GBP1: variants seen among roughly 807,000 people sequenced by gnomAD.
The protein encoded by GBP1 is guanylate binding protein 1.
Under a neutral mutation model 69.5 loss-of-function variants are expected in GBP1, and 64 were observed. That is an observed-to-expected ratio of 0.92 (90% confidence interval 0.75 to 1.13). The LOEUF (loss-of-function observed/expected upper bound fraction) is 1.13, where lower values mean the gene tolerates loss of function less well. Among genes scored for constraint, GBP1 ranks in the 50% most tolerant of loss-of-function variants. GBP1 has a pLI of 0.00. For missense variants in GBP1, 630 were observed against 704.1 expected, an observed-to-expected ratio of 0.89 and a Z score of 1.19; for synonymous variants, 250 against 261.2, an observed-to-expected ratio of 0.96 and a Z score of 0.41.
At chr1:89,056,558 G>C (rs185298931) in intron 7 of GBP1, among the ~76,000 whole-genome samples, 28 of 152,358 alleles carry the variant, frequency 1.8e-4, no homozygotes, top group Admixed American at 1.8e-3. Flanking sequence ...TTTTCTTTGT[G>C]TTTGGCTAGA....
At chr1:89,058,286 A>G in intron 5 of GBP1, 52 bp from the exon 6 acceptor site, 1 of 1,445,556 alleles carries the variant, frequency 6.9e-7, no homozygotes, top group Admixed American at 2.2e-5. Flanking sequence ...GTGTTTCTGT[A>G]AAGGGCCAAA....
At chr1:89,063,950 T>C (rs1375273428) in intron 1 of GBP1, among the ~76,000 whole-genome samples, 1 of 152,176 alleles carries the variant, frequency 6.6e-6, no homozygotes, top group Non-Finnish European at 1.5e-5. Context: ...CACGATAAGA[T>C]AGCTTCTAAG....
Position 89,058,917 on chromosome 1 carries a change from G to T in GBP1, c.555C>A (p.Phe185Leu). The change falls in exon 5 of 11, where the codon TTC becomes TTA. Residue 185 changes from phenylalanine (F) to leucine (L), a missense_variant. Phe to Leu is a conservative substitution (Grantham distance 22). Around this residue, in one of 5 missense-constraint regions of GBP1, gnomAD observed 367 missense variants for 369.5 expected, o/e 0.99. Transcript: ENST00000370473. ...GTCCATCTGCTTCCAAGTCCAGGGA[G>T]AAATCTCTCAGTGTCCACACAAAGT... is the stretch of plus-strand genomic sequence containing the variant. Reference protein sequence around the residue: ...FPDFVWTLRDFSLDLEADGQP... With the variant: ...FPDFVWTLRDLSLDLEADGQP... The T allele has an allele frequency of 1.2e-6, 2 of 1,614,200 alleles. No individual in the cohort carries two copies. Among genetic ancestry groups the T allele is most frequent in the Non-Finnish European group, 1.7e-6 (2 of 1,180,038 alleles).
In GBP1 at chr1:89,054,729, C is replaced by T; in HGVS notation, c.1618G>A (p.Val540Ile). 6.2e-7 allele frequency: 1 copy of T among 1,614,208 alleles called. No individual in the cohort carries two copies. Among genetic ancestry groups the T allele is most frequent in the South Asian group, 1.1e-5 (1 of 91,080 alleles). ...QLTEKMENDR[V>I]QLLKEQERTL... ...CTCTCTTGCTCTTTCAGCAACTGGA[C>T]CCTGTCGTTCTCCATCTTCTCAGTC... Residue 540 changes from valine (V) to isoleucine (I), a missense_variant, in exon 10 of 11, where the codon GTC becomes ATC. Transcript: ENST00000370473.
Position 89,052,889 on chromosome 1 carries a change from C to A in GBP1, c.*466G>T, listed in dbSNP as rs541553009. ...ATCATCAGTGAGGATTATACATGGG[C>A]AATGTCCAGAAATCACATTATTGCT... is the stretch of plus-strand genomic sequence containing the variant. On this transcript the variant is annotated 3_prime_UTR_variant, in exon 11 of 11. Coordinates refer to ENST00000370473, the MANE Select transcript of GBP1 (RefSeq NM_002053.3). 6.5e-6 allele frequency: 1 copy of A among 152,892 alleles called. No individual in the cohort carries two copies. Among genetic ancestry groups the A allele is most frequent in the Non-Finnish European group, 1.5e-5 (1 of 68,494 alleles). The allele number at this position is 152,892 out of a possible 1,614,324, so 9.5% of individuals were successfully genotyped here.
rs1680038462 is a variant in GBP1, at chr1:89,056,155, A to G, written c.1229T>C (p.Leu410Ser). 1 of 1,613,886 alleles carries G rather than the reference A, an allele frequency of 6.2e-7. No individual in the cohort carries two copies. The highest frequency in any genetic ancestry group is 1.3e-5 in the African/African-American group (1 of 74,930). The change falls in exon 8 of 11, where the codon TTA becomes TCA. Residue 410 changes from leucine (L) to serine (S), a missense_variant. Physicochemically the swap from Leu to Ser is moderately radical, Grantham distance 145. Transcript: ENST00000370473. The part of the protein sequence containing the change: ...QEASSDRCSA[L>S]LQVIFSPLEE... ...TAGAGGACTGAAAATGACCTGAAGT[A>G]AAGCTGAGCAACGATCTGATGATGC...
chr1:89,058,024 G>A lies in GBP1; in HGVS notation c.842C>T (p.Thr281Ile), dbSNP rs1388861239. Residue 281 changes from threonine to isoleucine, a missense_variant, in exon 6 of 11, where the codon ACT becomes ATT. By Grantham distance (89) the Thr-to-Ile change is moderately conservative. Coordinates refer to ENST00000370473, the MANE Select transcript of GBP1 (RefSeq NM_002053.3). ...SYIFSNSKTK[T>I]LSGGIQVNGP... is the part of the protein sequence containing the mutation. The stretch of plus-strand genomic sequence containing the variant: ...GTTGACCTGGATGCCTCCTGAAAGA[G>A]TTTTAGTTTTGGAATTACTAAAGAT... 2 of 1,613,756 alleles carry A rather than the reference G, an allele frequency of 1.2e-6. No individual in the cohort carries two copies. Among genetic ancestry groups the A allele is most frequent in the East Asian group, 2.2e-5 (1 of 44,884 alleles).
chr1:89,060,216 C>T lies in GBP1; in HGVS notation c.299G>A (p.Gly100Asp), dbSNP rs752796598. 2 of 1,601,708 alleles carry T rather than the reference C, an allele frequency of 1.2e-6. No individual in the cohort carries two copies. Among genetic ancestry groups the T allele is most frequent in the South Asian group, 1.1e-5 (1 of 88,828 alleles). The stretch of plus-strand genomic sequence containing the variant: ...TCTCACCTTCTCTACATCTCCCAGA[C>T]CCTCGGTGTCCAGCAGAACTAGGAT... ...GHILVLLDTEGLGDVEKGDNQ... is the reference protein window; with the variant it reads ...GHILVLLDTEDLGDVEKGDNQ... Residue 100 changes from glycine (G) to aspartate (D), a missense_variant, in exon 3 of 11, where the codon GGT becomes GAT. Gly to Asp is a moderately conservative substitution (Grantham distance 94). Around this residue, in one of 5 missense-constraint regions of GBP1, gnomAD observed 131 missense variants for 138.5 expected, o/e 0.95. Transcript: ENST00000370473.
At chr1:89,062,198 C>T (rs1369987615) in intron 2 of GBP1, among the ~76,000 whole-genome samples, 4 of 152,154 alleles carry the variant, frequency 2.6e-5, no homozygotes, top group African/African-American at 9.7e-5. Context: ...GGGACTTGAA[C>T]AGATATTCAG....
At position 89,058,063 on chromosome 1, in the gene GBP1, TCTGC is replaced by T; in HGVS notation, c.799_802del (p.Ala267ThrfsTer26). On this transcript the variant is annotated frameshift_variant, in exon 6 of 11. Transcript: ENST00000370473. LOFTEE classifies it high-confidence loss of function. ...ATTACTAAAGATGTAGGAACAGAAG[TCTGC>T]TACTTGTTGCACAAATTCGGGGTCC... 1 of 1,614,182 alleles carries T rather than the reference TCTGC, an allele frequency of 6.2e-7. No homozygotes were observed. Among genetic ancestry groups the T allele is most frequent in the Non-Finnish European group, 8.5e-7 (1 of 1,180,034 alleles).
rs1680091378 is a variant in GBP1, at chr1:89,058,090, T to C, written c.776A>G (p.Asp259Gly). Residue 259 changes from aspartate to glycine, a missense_variant, in exon 6 of 11, where the codon GAC (aspartate) becomes GGC (glycine). By Grantham distance (94) the Asp-to-Gly change is moderately conservative. Around this residue, in one of 5 missense-constraint regions of GBP1, gnomAD observed 367 missense variants for 369.5 expected, o/e 0.99. Coordinates refer to ENST00000370473, the MANE Select transcript of GBP1 (RefSeq NM_002053.3). Reference protein sequence around the residue: ...QLEKLQDEELDPEFVQQVADF... With the variant: ...QLEKLQDEELGPEFVQQVADF... ...TGCTACTTGTTGCACAAATTCGGGG[T>C]CCAGCTCTTCATCTTGTAGTTTCTC... is the stretch of plus-strand genomic sequence containing the variant. The C allele has an allele frequency of 6.2e-7, 1 of 1,614,202 alleles. No homozygotes were observed. The highest frequency in any genetic ancestry group is 8.5e-7 in the Non-Finnish European group (1 of 1,180,030).
At position 89,054,885 on chromosome 1, in the gene GBP1, A is replaced by C. The variant is rs752150450; in HGVS notation, c.1472-10T>G. 6.2e-7 allele frequency: 1 copy of C among 1,609,708 alleles called. No individual in the cohort carries two copies. The highest frequency in any genetic ancestry group is 1.1e-5 in the South Asian group (1 of 90,456). ...GCTTTCACACGTTCCACTGAGGAGG[A>C]AAAGGCAGAAGAAAAATTTGTGTGG... is the stretch of plus-strand genomic sequence containing the variant. On this transcript the variant is annotated splice_polypyrimidine_tract_variant and intron_variant, in intron 9 of 10. Transcript: ENST00000370473.
At chr1:89,055,780 C>G (rs1680027248) in intron 8 of GBP1, 1 of 588,988 alleles carries the variant, frequency 1.7e-6, no homozygotes, top group Admixed American at 3.0e-5. Context: ...ACAATAATAA[C>G]TTTGTGCTTC....
At chr1:89,064,240 T>TGAGAGAGAGAGAGA (rs34743787) in intron 1 of GBP1, among the ~76,000 whole-genome samples, 4 of 100,008 alleles carry the variant, frequency 4.0e-5, no homozygotes, top group African/African-American at 1.7e-4. Context: ...TGTGTGTGTG[T>TGAGAGAGAGAGAGA]GAGAGAGAGA....
Position 89,056,835 on chromosome 1 carries a change from C to A in GBP1, c.1155+19G>T, listed in dbSNP as rs1340148053. On this transcript the variant is annotated intron_variant, in intron 7 of 10. Transcript: ENST00000370473. The stretch of plus-strand genomic sequence containing the variant: ...AGCTTCTATGACCCTAAACCGTATA[C>A]ATTTGAGACAAAAATTACCGCTAAC... The A allele has an allele frequency of 8.7e-6, 14 of 1,612,184 alleles. No individual in the cohort carries two copies. The African/African-American group carries it at 1.6e-4, about 18-fold the overall frequency.
At chr1:89,057,962 A>G in intron 6 of GBP1, 30 bp downstream of exon 6, 2 of 1,590,170 alleles carry the variant, frequency 1.3e-6, no homozygotes, top group Non-Finnish European at 1.7e-6. Flanking sequence ...GTCTTAAACA[A>G]TGAGCAGAAG....
chr1:89,058,422 C>A (rs1487365555), intron 5 of GBP1, 188 bp from the exon 6 acceptor site: 9 of 579,228 alleles, frequency 1.6e-5, no homozygotes, highest in East Asian at 1.5e-4. Flanking sequence ...TCCAAAAAAA[C>A]CTTATTTACA....
chr1:89,063,220 G>C lies in GBP1; in HGVS notation c.15C>G (p.Ile5Met). The C allele has an allele frequency of 1.2e-6, 2 of 1,614,000 alleles. No homozygotes were observed. The highest frequency in any genetic ancestry group is 8.5e-7 in the Non-Finnish European group (1 of 1,179,908). MASE[I>M]HMTGPMCLIE... ...TGAGGCACATTGGGCCTGTCATGTG[G>C]ATCTCTGATGCCATGTCCAGGCTGT... Residue 5 changes from isoleucine (I) to methionine (M), a missense_variant, in exon 2 of 11, where the codon ATC (isoleucine) becomes ATG (methionine). Around this residue, in one of 5 missense-constraint regions of GBP1, gnomAD observed 131 missense variants for 138.5 expected, o/e 0.95. Transcript: ENST00000370473.
At chr1:89,054,557 GT>G in intron 10 of GBP1, 124 bp downstream of exon 10, 1 of 871,784 alleles carries the variant, frequency 1.1e-6, no homozygotes. Context: ...GAATTGAAAA[GT>G]ACAAGTAAGC....
Sources: gnomAD v4.1 joint callset for allele counts (sites outside exome capture counted in the v4.1 genomes callset) on GRCh38, gnomAD v4.1.1 for gene constraint, gnomAD v4.1.1 regional missense constraint, MANE v1.5 for transcripts, NCBI Gene and HGNC (gene_info 2026-07-23, HGNC 2026-07-21) for gene names.